SOX6: variants seen among roughly 807,000 people sequenced by gnomAD.
SOX6 encodes SRY-box transcription factor 6, also known as transcription factor SOX-6.
SOX6 carries 11 observed loss-of-function variants against 97.8 expected under a neutral mutation model. The ratio of observed to expected loss-of-function variants is 0.11; its 90% CI spans 0.07 to 0.19. SOX6 has a LOEUF of 0.19. SOX6 is among the 10% of genes least tolerant of loss of function. The pLI, the probability that SOX6 is intolerant of heterozygous loss-of-function variation, is 1.00. For synonymous variants in SOX6, 360 were observed against 371.4 expected (o/e 0.97, Z 0.35); for missense variants, 810 against 1,039.5 (o/e 0.78, Z 3.04).
chr11:16,562,619 G>A (rs942541624), intron 4 of SOX6, among the ~76,000 whole-genome samples: 3 of 151,798 alleles, frequency 2.0e-5, no homozygotes, highest in Admixed American at 6.6e-5. Flanking sequence ...ACCCACCCCC[G>A]GAAATGTCAA....
chr11:16,380,461 G>GA (rs909361604), intron 1 of SOX6, among the ~76,000 whole-genome samples: 13 of 149,872 alleles, frequency 8.7e-5, no homozygotes, highest in African/African-American at 2.2e-4. Flanking sequence ...TTTTTAATCA[G>GA]AAAAAAAAGT....
At chr11:16,093,003 C>A (rs1191741676) in intron 9 of SOX6, among the ~76,000 whole-genome samples, 3 of 151,780 alleles carry the variant, frequency 2.0e-5, no homozygotes, top group African/African-American at 7.3e-5. Context: ...ACTTAAGGAC[C>A]AATGATAACA....
chr11:16,190,464 T>A (rs537322191), intron 4 of SOX6, among the ~76,000 whole-genome samples: 1 of 152,264 alleles, frequency 6.6e-6, no homozygotes, highest in South Asian at 2.1e-4. Context: ...ATATAACAAC[T>A]ATTCACACAG....
chr11:16,632,066 T>C (rs1848714694), intron 3 of SOX6, among the ~76,000 whole-genome samples: 1 of 152,228 alleles, frequency 6.6e-6, no homozygotes, highest in South Asian at 2.1e-4. Flanking sequence ...GAATTCTTTA[T>C]CTGTCATTTC....
intron 1 of SOX6, among the ~76,000 whole-genome samples, chr11:16,377,853 T>C (rs549635068): frequency 6.6e-6 from 1 of 152,236 alleles, no homozygotes; most frequent in Admixed American, 6.5e-5. Context: ...TTCGAACTCA[T>C]TAGAAATTGG....
chr11:16,425,455 G>T (rs763924702), intron 1 of SOX6, among the ~76,000 whole-genome samples: 20 of 152,296 alleles, frequency 1.3e-4, no homozygotes, highest in Non-Finnish European at 2.6e-4. Flanking sequence ...AGTATTGGAA[G>T]TCCTGGCCAG....
chr11:16,110,924 A>G (rs185802069), intron 7 of SOX6, among the ~76,000 whole-genome samples: 2 of 152,330 alleles, frequency 1.3e-5, no homozygotes, highest in East Asian at 3.9e-4. Flanking sequence ...TTGTACTCAG[A>G]TTTGATGGTA....
intron 12 of SOX6, among the ~76,000 whole-genome samples, chr11:16,031,920 G>A (rs1276881221): frequency 2.0e-5 from 3 of 152,124 alleles, no homozygotes; most frequent in Non-Finnish European, 4.4e-5. Flanking sequence ...AGACAGATGA[G>A]GAAGTGGCAG....
intron 4 of SOX6, among the ~76,000 whole-genome samples, chr11:16,591,328 T>TAGATAGACAGATAGAC (rs879735097): frequency 5.2e-5 from 4 of 77,036 alleles, no homozygotes; most frequent in Non-Finnish European, 1.1e-4. Context: ...CATAGATAGA[T>TAGATAGACAGATAGAC]AGATAGATAG....
At chr11:16,235,539 T>C (rs1415002451) in intron 3 of SOX6, among the ~76,000 whole-genome samples, 1 of 152,038 alleles carries the variant, frequency 6.6e-6, no homozygotes, top group African/African-American at 2.4e-5. Flanking sequence ...AGGTCATGTT[T>C]CCAAAAGGGA....
At chr11:15,979,567 T>C (rs1853601880) in intron 15 of SOX6, among the ~76,000 whole-genome samples, 1 of 152,104 alleles carries the variant, frequency 6.6e-6, no homozygotes. Flanking sequence ...CATAACTTGG[T>C]TCCTTATTAT....
chr11:16,188,567 T>A (rs899973373), intron 4 of SOX6, among the ~76,000 whole-genome samples: 4 of 152,156 alleles, frequency 2.6e-5, no homozygotes, highest in African/African-American at 9.7e-5. Context: ...AAAGTTCAAC[T>A]AATGTATTTG....
intron 3 of SOX6, among the ~76,000 whole-genome samples, chr11:16,246,610 G>T (rs1853343948): frequency 6.6e-6 from 1 of 151,626 alleles, no homozygotes; most frequent in African/African-American, 2.4e-5. Flanking sequence ...TTCTATCTTT[G>T]CTCCACTGTA....
chr11:16,568,763 A>G (rs1048257583), intron 4 of SOX6, among the ~76,000 whole-genome samples: 2 of 152,116 alleles, frequency 1.3e-5, no homozygotes, highest in African/African-American at 4.8e-5. Context: ...CCCTTTATTC[A>G]TTACTCCATA....
chr11:16,095,703 T>C (rs1422731160), intron 9 of SOX6, among the ~76,000 whole-genome samples: 1 of 151,760 alleles, frequency 6.6e-6, no homozygotes, highest in Non-Finnish European at 1.5e-5. Flanking sequence ...TAAGAAAATA[T>C]AAAAGAGTGA....
chr11:16,455,443 AT>A (rs1458954085), intron 1 of SOX6, among the ~76,000 whole-genome samples: 2 of 152,052 alleles, frequency 1.3e-5, no homozygotes, highest in African/African-American at 4.8e-5. Context: ...AATAGTTTAA[AT>A]TCTTCATTTC....
chr11:16,705,075 T>C (rs1019769330), intron 3 of SOX6, among the ~76,000 whole-genome samples: 2 of 151,796 alleles, frequency 1.3e-5, no homozygotes, highest in Non-Finnish European at 2.9e-5. Flanking sequence ...CTGTCCAACA[T>C]GGTGAAATCC....
intron 3 of SOX6, among the ~76,000 whole-genome samples, chr11:16,669,607 TC>T (rs1847832690): frequency 6.6e-6 from 1 of 152,192 alleles, no homozygotes; most frequent in South Asian, 2.1e-4. Context: ...TGGACAGAAC[TC>T]CCAGTGGGAG....
chr11:16,539,839 A>C (rs557905075), intron 4 of SOX6, among the ~76,000 whole-genome samples: 1 of 152,306 alleles, frequency 6.6e-6, no homozygotes, highest in East Asian at 1.9e-4. Context: ...ATAGCCTACC[A>C]ACCAAAAAAA....
Sources: gnomAD v4.1 joint callset for allele counts (sites outside exome capture counted in the v4.1 genomes callset) on GRCh38, gnomAD v4.1.1 for gene constraint, MANE v1.5 for transcripts, NCBI Gene and HGNC (gene_info 2026-07-23, HGNC 2026-07-21) for gene names.